PLXNA4: variants seen among roughly 807,000 people sequenced by gnomAD.
PLXNA4 encodes the protein plexin A4.
PLXNA4 carries 44 observed loss-of-function variants against 191.8 expected under a neutral mutation model. That is an observed-to-expected ratio of 0.23 (90% CI 0.18 to 0.29). PLXNA4 has a LOEUF of 0.29. Among genes scored for constraint, PLXNA4 ranks in the 10% least tolerant of loss-of-function variants. PLXNA4 has a pLI of 1.00. For synonymous variants in PLXNA4, 1,082 were observed against 1,009.5 expected, an observed-to-expected ratio of 1.07 and a Z score of -1.36; for missense variants, 1,800 against 2,488.8, an observed-to-expected ratio of 0.72 and a Z score of 5.89.
At chr7:132,587,822 G>A (rs956655754) in intron 2 of PLXNA4, among the ~76,000 whole-genome samples, 1 of 151,504 alleles carries the variant, frequency 6.6e-6, no homozygotes, top group African/African-American at 2.4e-5. Flanking sequence ...TCTTCTGCTT[G>A]GTGCTGGTCC....
chr7:132,380,949 A>G (rs766498227), intron 3 of PLXNA4, among the ~76,000 whole-genome samples: 2 of 152,252 alleles, frequency 1.3e-5, no homozygotes, highest in Non-Finnish European at 2.9e-5. Context: ...TAAACATGAG[A>G]ATAAGATCAG....
At position 132,410,672 on chromosome 7, in the gene PLXNA4, A is replaced by G. The variant is rs544262220; in HGVS notation, c.1371+78620T>C. Reference sequence around the variant, plus strand: ...CGTCTGTCTAGGCTGCCTGTCTCCAAGCACTCTGGCCAAAAACAGACATGC... The same window carrying G: ...CGTCTGTCTAGGCTGCCTGTCTCCAGGCACTCTGGCCAAAAACAGACATGC... On this transcript the variant is annotated intron_variant, in intron 3 of 31. Coordinates refer to ENST00000321063, the MANE Select transcript of PLXNA4 (RefSeq NM_020911.2). Among the ~76,000 whole-genome samples the G allele has an allele frequency of 3.7e-4, 56 of 152,330 alleles. 1 individual carries two copies. The highest frequency in any genetic ancestry group is 1.0e-3 in the African/African-American group (43 of 41,560).
chr7:132,484,680 C>A, intron 3 of PLXNA4: 3 of 1,414,628 alleles, frequency 2.1e-6, no homozygotes, highest in African/African-American at 2.9e-5. Flanking sequence ...CTGCCCTAAC[C>A]ACATGTTCCT....
chr7:132,640,595 C>T (rs1393211498), intron 2 of PLXNA4, among the ~76,000 whole-genome samples: 2 of 152,152 alleles, frequency 1.3e-5, no homozygotes, highest in African/African-American at 4.8e-5. Flanking sequence ...CACCAGAAAC[C>T]ACATATGCTG....
intron 31 of PLXNA4, among the ~76,000 whole-genome samples, chr7:132,132,428 TTCTGTTCTGTTC>T (rs1794967105): frequency 1.2e-5 from 1 of 82,376 alleles, no homozygotes; most frequent in African/African-American, 4.7e-5. Flanking sequence ...TTCTGTTCTG[TTCTGTTCTGTTC>T]TGTTCTGTTC....
At chr7:132,646,552 TG>T (rs1803873795) in intron 1 of PLXNA4, among the ~76,000 whole-genome samples, 1 of 152,112 alleles carries the variant, frequency 6.6e-6, no homozygotes, top group Admixed American at 6.5e-5. Context: ...GTGCTCTCTC[TG>T]CCCTGTGAGG....
At chr7:132,474,231 C>T (rs909508806) in intron 3 of PLXNA4, among the ~76,000 whole-genome samples, 4 of 151,430 alleles carry the variant, frequency 2.6e-5, no homozygotes, top group African/African-American at 9.7e-5. Flanking sequence ...CACACACACA[C>T]ACACACACAC....
chr7:132,160,219 C>G (rs1009553805), intron 24 of PLXNA4, among the ~76,000 whole-genome samples: 4 of 152,180 alleles, frequency 2.6e-5, no homozygotes, highest in African/African-American at 4.8e-5. Flanking sequence ...GTTGGCAAAT[C>G]TATAAGACAC....
At chr7:132,267,851 C>T (rs1799914165) in intron 4 of PLXNA4, among the ~76,000 whole-genome samples, 1 of 152,148 alleles carries the variant, frequency 6.6e-6, no homozygotes. Flanking sequence ...TGAATTCTGG[C>T]TTCCTTGCTC....
intron 3 of PLXNA4, among the ~76,000 whole-genome samples, chr7:132,427,164 G>A (rs1334374560): frequency 1.3e-5 from 2 of 152,238 alleles, no homozygotes; most frequent in East Asian, 1.9e-4. Context: ...CCAGGGCAGA[G>A]GGAAGAGCTT....
chr7:132,416,674 A>T (rs1406420705), intron 3 of PLXNA4, among the ~76,000 whole-genome samples: 1 of 152,234 alleles, frequency 6.6e-6, no homozygotes, highest in Non-Finnish European at 1.5e-5. Context: ...CTGTCCAAGA[A>T]TGAGACATTG....
Position 132,406,713 on chromosome 7 carries a change from C to T in PLXNA4, c.1371+82579G>A, listed in dbSNP as rs118154973. Among the ~76,000 whole-genome samples, 508 of 152,212 alleles carry T rather than the reference C, an allele frequency of 3.3e-3. 3 individuals carry two copies. The highest frequency in any genetic ancestry group is 0.011 in the African/African-American group (442 of 41,518). ...AAAGAGCATGACCCAGGGGCATTTA[C>T]GACTCACCTGGAACCACACAGGTTG... On this transcript the variant is annotated intron_variant, in intron 3 of 31. Coordinates refer to ENST00000321063, the MANE Select transcript of PLXNA4 (RefSeq NM_020911.2).
At chr7:132,368,691 A>G (rs1040087588) in intron 3 of PLXNA4, among the ~76,000 whole-genome samples, 3 of 152,172 alleles carry the variant, frequency 2.0e-5, no homozygotes, top group Admixed American at 2.0e-4. Context: ...GTCCCCATCA[A>G]CAGTTGTAGA....
At chr7:132,562,750 TCTC>T (rs1381317062) in intron 1 of PLXNA4, among the ~76,000 whole-genome samples, 4 of 73,574 alleles carry the variant, frequency 5.4e-5, no homozygotes, top group Admixed American at 1.4e-4. Context: ...TCCTCCTCCT[TCTC>T]CTCCTCCTCC....
chr7:132,467,484 G>C (rs1046147298), intron 3 of PLXNA4, among the ~76,000 whole-genome samples: 1 of 152,154 alleles, frequency 6.6e-6, no homozygotes, highest in Non-Finnish European at 1.5e-5. Context: ...AAACTGGTCT[G>C]CTCACCAATG....
At chr7:132,139,062 G>T (rs1205131361) in intron 30 of PLXNA4, among the ~76,000 whole-genome samples, 1 of 152,212 alleles carries the variant, frequency 6.6e-6, no homozygotes, top group African/African-American at 2.4e-5. Flanking sequence ...ATTGTTGGGA[G>T]AGTGAGCCAC....
At chr7:132,342,636 A>G (rs1269959462) in intron 3 of PLXNA4, among the ~76,000 whole-genome samples, 1 of 152,064 alleles carries the variant, frequency 6.6e-6, no homozygotes, top group Non-Finnish European at 1.5e-5. Flanking sequence ...GGGCCACTAT[A>G]TGTTTTCCCT....
Position 132,425,998 on chromosome 7 carries a change from G to A in PLXNA4, c.1371+63294C>T, listed in dbSNP as rs144719906. Among the ~76,000 whole-genome samples, 342 of 152,336 alleles carry A rather than the reference G, an allele frequency of 2.2e-3. 2 individuals are homozygous for A. Among genetic ancestry groups the A allele is most frequent in the African/African-American group, 7.9e-3 (328 of 41,582 alleles). On this transcript the variant is annotated intron_variant, in intron 3 of 31. Transcript: ENST00000321063. ...TGAGAAAACTCTTCATAAAGTGCAG[G>A]CACAGGACTCTGGGGTGCCTCATTT...
At chr7:132,586,934 C>T (rs1231119188) in intron 2 of PLXNA4, among the ~76,000 whole-genome samples, 1 of 152,028 alleles carries the variant, frequency 6.6e-6, no homozygotes, top group African/African-American at 2.4e-5. Context: ...TGTCTCAAAC[C>T]AAAAACAAAG....
Sources: gnomAD v4.1 joint callset for allele counts (sites outside exome capture counted in the v4.1 genomes callset) on GRCh38, gnomAD v4.1.1 for gene constraint, MANE v1.5 for transcripts, NCBI Gene and HGNC (gene_info 2026-07-23, HGNC 2026-07-21) for gene names.